The following GRID1 variants were observed in gnomAD, a reference collection of about 807,000 sequenced individuals.
The protein encoded by GRID1 is glutamate ionotropic receptor delta type subunit 1.
GRID1 carries 28 observed loss-of-function variants against 98.0 expected under a neutral mutation model. The observed-to-expected ratio is 0.29, with a 90% CI of 0.21 to 0.39. GRID1 has a LOEUF of 0.39. Ranked by LOEUF, GRID1 falls within the 10% of genes least tolerant of loss-of-function variation. The pLI is 1.00. For missense variants in GRID1, 1,111 were observed against 1,340.5 expected (o/e 0.83, Z 2.67); for synonymous variants, 553 against 538.5 (o/e 1.03, Z -0.37).
At chr10:85,792,401 G>A (rs1489169218) in intron 8 of GRID1, among the ~76,000 whole-genome samples, 2 of 152,186 alleles carry the variant, frequency 1.3e-5, no homozygotes, top group Admixed American at 6.5e-5. Flanking sequence ...GAGCCCTGGC[G>A]AGGTGCCTTT....
chr10:85,653,628 G>A (rs1428884556), intron 12 of GRID1, among the ~76,000 whole-genome samples: 2 of 152,210 alleles, frequency 1.3e-5, no homozygotes. Context: ...ACCCAATGTG[G>A]CAGTATTGAG....
chr10:85,926,956 C>T (rs76766144), intron 4 of GRID1, among the ~76,000 whole-genome samples: 2,471 of 152,280 alleles, frequency 0.016, 60 homozygotes, highest in African/African-American at 0.057. Context: ...GTTCCCCTAA[C>T]CTTTATCAAT....
rs12784597 is a variant in GRID1 at position 85,982,149 on chromosome 10, C to A, written c.727-65910G>T. 4.7e-3 allele frequency among the ~76,000 whole-genome samples: 709 copies of A among 150,446 alleles called. 3 individuals carry two copies. Among genetic ancestry groups the A allele is most frequent in the Middle Eastern group, 0.024 (7 of 292 alleles). On this transcript the variant is annotated intron_variant, in intron 4 of 15. Transcript: ENST00000327946. ...GAGACCAGGACAGATGGAAAAATGGCCATTTAGTGAGGGCCTTGAAAGTGA... is the reference window on the plus strand; with the variant it reads ...GAGACCAGGACAGATGGAAAAATGGACATTTAGTGAGGGCCTTGAAAGTGA...
At chr10:86,355,526 C>G (rs1848522574) in intron 2 of GRID1, among the ~76,000 whole-genome samples, 2 of 152,208 alleles carry the variant, frequency 1.3e-5, no homozygotes, top group Non-Finnish European at 2.9e-5. Flanking sequence ...CTAACACCCC[C>G]CACCTCACCC....
intron 8 of GRID1, among the ~76,000 whole-genome samples, chr10:85,852,272 C>A (rs1234391461): frequency 6.6e-6 from 1 of 152,244 alleles, no homozygotes; most frequent in Admixed American, 6.5e-5. Context: ...AGCTTCCCTT[C>A]CAACTCAATT....
intron 5 of GRID1, among the ~76,000 whole-genome samples, chr10:85,893,729 C>A (rs1475700530): frequency 6.6e-6 from 1 of 152,062 alleles, no homozygotes; most frequent in Non-Finnish European, 1.5e-5. Flanking sequence ...TTAAGAAAGA[C>A]CTAAATAAAT....
At chr10:85,671,981 T>C (rs1184739464) in intron 12 of GRID1, among the ~76,000 whole-genome samples, 2 of 152,138 alleles carry the variant, frequency 1.3e-5, no homozygotes, top group Non-Finnish European at 2.9e-5. Flanking sequence ...GGAAAAAAAG[T>C]TGGAAGCTAG....
At chr10:85,877,676 C>A (rs1246006597) in intron 5 of GRID1, among the ~76,000 whole-genome samples, 2 of 151,904 alleles carry the variant, frequency 1.3e-5, no homozygotes, top group African/African-American at 2.4e-5. Context: ...GGGGAAAAAA[C>A]AGAGCAGAAA....
intron 12 of GRID1, among the ~76,000 whole-genome samples, chr10:85,710,109 G>A (rs1841566009): frequency 6.6e-6 from 1 of 151,980 alleles, no homozygotes; most frequent in African/African-American, 2.4e-5. Context: ...GACATTTTTT[G>A]TAGAAATAAA....
At chr10:86,119,035 G>C (rs1173843202) in intron 4 of GRID1, among the ~76,000 whole-genome samples, 1 of 152,104 alleles carries the variant, frequency 6.6e-6, no homozygotes, top group Non-Finnish European at 1.5e-5. Flanking sequence ...AGGACATTCA[G>C]TAAAAACTAA....
At chr10:86,070,738 T>C (rs1843791781) in intron 4 of GRID1, among the ~76,000 whole-genome samples, 2 of 152,228 alleles carry the variant, frequency 1.3e-5, no homozygotes, top group South Asian at 2.1e-4. Flanking sequence ...GTGTGTTAAG[T>C]AGTCTTTCAA....
chr10:86,220,140 T>C (rs1372980099), intron 2 of GRID1, among the ~76,000 whole-genome samples: 4 of 151,950 alleles, frequency 2.6e-5, no homozygotes, highest in Non-Finnish European at 5.9e-5. Context: ...TCGGGAAGTG[T>C]TCATTCATTC....
chr10:85,920,785 C>T (rs2131827062), intron 4 of GRID1, among the ~76,000 whole-genome samples: 2 of 152,360 alleles, frequency 1.3e-5, no homozygotes, highest in Admixed American at 1.3e-4. Context: ...GGCCGGCCTT[C>T]TGCTCAGGGT....
intron 12 of GRID1, among the ~76,000 whole-genome samples, chr10:85,672,909 AGCT>A (rs1328661280): frequency 1.3e-5 from 2 of 152,212 alleles, no homozygotes; most frequent in Non-Finnish European, 2.9e-5. Context: ...ATAAGGCTGT[AGCT>A]GCCATAGATA....
intron 4 of GRID1, among the ~76,000 whole-genome samples, chr10:86,016,231 C>T (rs1034411341): frequency 4.1e-5 from 5 of 122,816 alleles, no homozygotes; most frequent in Non-Finnish European, 9.2e-5. Context: ...ACTGCAAGCT[C>T]TGCCTCCTGG....
intron 4 of GRID1, among the ~76,000 whole-genome samples, chr10:86,027,006 G>T (rs998796348): frequency 1.3e-5 from 2 of 152,236 alleles, no homozygotes; most frequent in African/African-American, 4.8e-5. Context: ...GTGGGGCCAT[G>T]GGAGGCAGGA....
intron 8 of GRID1, among the ~76,000 whole-genome samples, chr10:85,843,555 T>C (rs1388802361): frequency 3.3e-5 from 5 of 152,026 alleles, no homozygotes; most frequent in Admixed American, 6.6e-5. Flanking sequence ...GAGACTAGTA[T>C]CTAGAATATA....
At chr10:85,668,214 C>T (rs1390717549) in intron 12 of GRID1, among the ~76,000 whole-genome samples, 3 of 152,322 alleles carry the variant, frequency 2.0e-5, no homozygotes. Flanking sequence ...CCTGGCCCTT[C>T]CTGGCCAAAA....
At chr10:86,208,177 G>A (rs1042601409) in intron 2 of GRID1, among the ~76,000 whole-genome samples, 20 of 152,144 alleles carry the variant, frequency 1.3e-4, no homozygotes, top group African/African-American at 4.1e-4. Flanking sequence ...AGCAAAGACC[G>A]GCTGCCCTCC....
Sources: gnomAD v4.1 joint callset for allele counts (sites outside exome capture counted in the v4.1 genomes callset) on GRCh38, gnomAD v4.1.1 for gene constraint, MANE v1.5 for transcripts, NCBI Gene and HGNC (gene_info 2026-07-23, HGNC 2026-07-21) for gene names.